The following ADAMTSL1 variants were observed in gnomAD, a reference collection of about 807,000 sequenced individuals.
ADAMTSL1 encodes the protein ADAMTS-like protein 1.
A neutral mutation model predicts 201.8 loss-of-function variants in ADAMTSL1; 126 were observed. That is an observed-to-expected ratio of 0.62 (90% CI 0.54 to 0.72). ADAMTSL1 has a LOEUF of 0.72. Among genes scored for constraint, ADAMTSL1 ranks in the 30% least tolerant of loss-of-function variants. The probability of loss-of-function intolerance (pLI) is 0.00; values close to 1 mark genes in which losing one functional copy is unlikely to be tolerated. For missense variants in ADAMTSL1, 2,679 were observed against 2,277.8 expected, an observed-to-expected ratio of 1.18 and a Z score of -3.59; for synonymous variants, 1,121 against 903.4, an observed-to-expected ratio of 1.24 and a Z score of -4.32.
chr9:18,640,419 T>C (rs1232950297), intron 7 of ADAMTSL1, among the ~76,000 whole-genome samples: 1 of 152,132 alleles, frequency 6.6e-6, no homozygotes, highest in African/African-American at 2.4e-5. Context: ...TACCATTAAA[T>C]AGACCAAGTA....
intron 2 of ADAMTSL1, among the ~76,000 whole-genome samples, chr9:18,415,811 G>C (rs1033010908): frequency 2.0e-5 from 3 of 151,866 alleles, no homozygotes; most frequent in African/African-American, 7.3e-5. Flanking sequence ...AGAGGAAAAT[G>C]ACATTTTATA....
At chr9:18,241,270 A>AT (rs1831049380) in intron 2 of ADAMTSL1, among the ~76,000 whole-genome samples, 1 of 152,174 alleles carries the variant, frequency 6.6e-6, no homozygotes, top group Admixed American at 6.5e-5. Flanking sequence ...CTTAGAAGCC[A>AT]TTATAGGGTC....
At position 18,881,595 on chromosome 9, in the gene ADAMTSL1, C is replaced by T. The variant is rs568925583; in HGVS notation, c.4250-6236C>T. 1.3e-3 allele frequency among the ~76,000 whole-genome samples: 191 copies of T among 152,124 alleles called. 1 individual carries two copies. The highest frequency in any genetic ancestry group is 4.3e-3 in the African/African-American group (177 of 41,492). On this transcript the variant is annotated intron_variant, in intron 23 of 28. Transcript: ENST00000380548. ...TCAAAGATCACTGATCACACATAAC[C>T]GTAACAGATAATAATGAAAAGTTTT... is the stretch of plus-strand genomic sequence containing the variant.
intron 23 of ADAMTSL1, among the ~76,000 whole-genome samples, chr9:18,848,381 A>C (rs1298228541): frequency 6.6e-6 from 1 of 152,242 alleles, no homozygotes. Context: ...TGGCGTGCTT[A>C]ATCATTTAGA....
At chr9:18,218,370 T>A (rs1432234204) in intron 2 of ADAMTSL1, among the ~76,000 whole-genome samples, 1 of 152,208 alleles carries the variant, frequency 6.6e-6, no homozygotes, top group Non-Finnish European at 1.5e-5. Flanking sequence ...ATTTGGCTGC[T>A]AATTCTTACT....
At chr9:18,454,272 G>A (rs1820521573) in intron 2 of ADAMTSL1, among the ~76,000 whole-genome samples, 1 of 152,108 alleles carries the variant, frequency 6.6e-6, no homozygotes, top group South Asian at 2.1e-4. Context: ...TGATATCCAA[G>A]GAAAGGAGGA....
chr9:18,397,215 T>C (rs1817789290), intron 2 of ADAMTSL1, among the ~76,000 whole-genome samples: 1 of 152,190 alleles, frequency 6.6e-6, no homozygotes, highest in Admixed American at 6.5e-5. Context: ...TAATAGTCTA[T>C]GGAGTTATGA....
intron 2 of ADAMTSL1, among the ~76,000 whole-genome samples, chr9:18,238,239 T>C (rs1227829496): frequency 6.6e-6 from 1 of 152,212 alleles, no homozygotes; most frequent in Non-Finnish European, 1.5e-5. Flanking sequence ...TTCTCCTATA[T>C]AGTTTTGAAA....
At chr9:18,696,843 A>G (rs1831580430) in intron 13 of ADAMTSL1, among the ~76,000 whole-genome samples, 1 of 143,780 alleles carries the variant, frequency 7.0e-6, no homozygotes, top group Admixed American at 7.2e-5. Flanking sequence ...TCATGAAAAT[A>G]TAAAATAATC....
At chr9:18,533,610 G>A (rs1475938208) in intron 3 of ADAMTSL1, among the ~76,000 whole-genome samples, 2 of 152,082 alleles carry the variant, frequency 1.3e-5, no homozygotes, top group East Asian at 1.9e-4. Flanking sequence ...ACCAGTTGGG[G>A]TATCATGAAA....
rs886168542 is a variant in ADAMTSL1, at chr9:18,860,402, G to T, written c.4250-27429G>T. ...TAGTGGGGCACAGCCCCACCCATTT[G>T]TTTATGTATTGTCTATGGCTGATCT... On this transcript the variant is annotated intron_variant, in intron 23 of 28. Transcript: ENST00000380548. 5.9e-5 allele frequency among the ~76,000 whole-genome samples: 9 copies of T among 151,962 alleles called. No homozygotes were observed. The South Asian group carries it at 1.7e-3, about 28-fold the overall frequency.
intron 4 of ADAMTSL1, among the ~76,000 whole-genome samples, chr9:18,619,020 G>A (rs902886280): frequency 2.6e-5 from 4 of 152,164 alleles, no homozygotes; most frequent in African/African-American, 4.8e-5. Flanking sequence ...TCTGGAATCT[G>A]GACAGGCTTT....
intron 2 of ADAMTSL1, among the ~76,000 whole-genome samples, chr9:18,242,716 C>G (rs1024557911): frequency 1.3e-5 from 2 of 151,956 alleles, no homozygotes; most frequent in African/African-American, 4.8e-5. Context: ...ACACAAATCA[C>G]AACCTAATTG....
chr9:18,096,326 C>T lies in ADAMTSL1; in HGVS notation c.88-67536C>T, dbSNP rs568976620. On this transcript the variant is annotated intron_variant, in intron 1 of 29. Coordinates refer to the ADAMTSL1 transcript ENST00000680146. ...TCCCTTCTTTATCTCACTCTTAGTT[C>T]TATCAATAAACGTATATTTAATTCT... Among the ~76,000 whole-genome samples the T allele has an allele frequency of 2.0e-5, 3 of 152,294 alleles. No individual in the cohort carries two copies. The South Asian group carries it at 6.2e-4, about 32-fold the overall frequency.
intron 20 of ADAMTSL1, among the ~76,000 whole-genome samples, chr9:18,803,819 C>G (rs1235596696): frequency 2.0e-5 from 3 of 152,040 alleles, no homozygotes; most frequent in Non-Finnish European, 4.4e-5. Context: ...ATATTATCTG[C>G]TCATATATTA....
intron 16 of ADAMTSL1, among the ~76,000 whole-genome samples, chr9:18,754,809 A>C (rs1387564555): frequency 6.6e-6 from 1 of 152,206 alleles, no homozygotes; most frequent in Non-Finnish European, 1.5e-5. Context: ...TAGAGCTTAA[A>C]TGTATATGGC....
intron 1 of ADAMTSL1, among the ~76,000 whole-genome samples, chr9:17,946,698 C>A (rs535190863): frequency 5.9e-5 from 9 of 152,222 alleles, no homozygotes; most frequent in Admixed American, 2.6e-4. Context: ...CCAATTAAAT[C>A]TTTCATGCTA....
chr9:18,363,805 A>T (rs978576748), intron 2 of ADAMTSL1, among the ~76,000 whole-genome samples: 4 of 152,186 alleles, frequency 2.6e-5, no homozygotes, highest in African/African-American at 9.6e-5. Context: ...TCAAGAACAA[A>T]TGAGAGAGGG....
intron 2 of ADAMTSL1, among the ~76,000 whole-genome samples, chr9:18,380,139 T>A (rs1007217417): frequency 6.6e-6 from 1 of 152,230 alleles, no homozygotes; most frequent in Non-Finnish European, 1.5e-5. Flanking sequence ...TTCTCACTGT[T>A]TATTTTAACA....
Sources: gnomAD v4.1 joint callset for allele counts (sites outside exome capture counted in the v4.1 genomes callset) on GRCh38, gnomAD v4.1.1 for gene constraint, MANE v1.5 for transcripts, NCBI Gene and HGNC (gene_info 2026-07-23, HGNC 2026-07-21) for gene names.